Variants in EIF2B3 observed in about 807,000 individuals in gnomAD.
The protein encoded by EIF2B3 is translation initiation factor eIF2B subunit gamma.
Under a neutral mutation model 54.1 loss-of-function variants are expected in EIF2B3, and 20 were observed. The ratio of observed to expected loss-of-function variants is 0.37; its 90% CI spans 0.26 to 0.54. EIF2B3 has a LOEUF of 0.54. Ranked by LOEUF, EIF2B3 falls within the 20% of genes least tolerant of loss-of-function variation. EIF2B3 has a pLI of 0.86. For synonymous variants in EIF2B3, 153 were observed against 188.1 expected, an observed-to-expected ratio of 0.81 and a Z score of 1.52; for missense variants, 448 against 547.8, an observed-to-expected ratio of 0.82 and a Z score of 1.82.
chr1:44,901,585 GTCTTAC>G (rs1393888886), intron 5 of EIF2B3, among the ~76,000 whole-genome samples: 1 of 135,668 alleles, frequency 7.4e-6, no homozygotes, highest in Non-Finnish European at 1.5e-5. Flanking sequence ...TTGAGACAGG[GTCTTAC>G]TCTGTCATCC....
chr1:44,921,437 G>A (rs1440549654), intron 5 of EIF2B3, among the ~76,000 whole-genome samples: 1 of 152,184 alleles, frequency 6.6e-6, no homozygotes, highest in East Asian at 1.9e-4. Flanking sequence ...CTGTGCTTGT[G>A]GGGTATTACT....
chr1:44,884,949 A>G (rs570917043), intron 6 of EIF2B3, among the ~76,000 whole-genome samples: 4 of 152,350 alleles, frequency 2.6e-5, no homozygotes, highest in African/African-American at 9.6e-5. Flanking sequence ...GTCAATCCCC[A>G]TGATGCAGTT....
intron 6 of EIF2B3, among the ~76,000 whole-genome samples, chr1:44,896,093 G>A (rs1655960888): frequency 6.6e-6 from 1 of 152,166 alleles, no homozygotes; most frequent in Admixed American, 6.5e-5. Flanking sequence ...TCCACCATGA[G>A]CTTAGGCTGT....
intron 3 of EIF2B3, among the ~76,000 whole-genome samples, chr1:44,965,167 A>C (rs1644324532): frequency 6.6e-6 from 1 of 152,224 alleles, no homozygotes. Flanking sequence ...GAAAGAGATC[A>C]ACAAGCAATA....
intron 5 of EIF2B3, among the ~76,000 whole-genome samples, chr1:44,900,001 T>C (rs968767316): frequency 3.3e-5 from 5 of 152,170 alleles, no homozygotes; most frequent in African/African-American, 1.2e-4. Context: ...ACTATGCAGC[T>C]ATAAAAAAGA....
At chr1:44,864,172 G>T (rs1654697390) in intron 10 of EIF2B3, among the ~76,000 whole-genome samples, 1 of 152,198 alleles carries the variant, frequency 6.6e-6, no homozygotes, top group Admixed American at 6.5e-5. Context: ...GATGGGTTTA[G>T]TGCAAATGGT....
At chr1:44,927,755 G>A (rs974152550) in intron 4 of EIF2B3, among the ~76,000 whole-genome samples, 9 of 152,014 alleles carry the variant, frequency 5.9e-5, no homozygotes, top group African/African-American at 1.4e-4. Flanking sequence ...ACTTATTGAC[G>A]TATTTAAAGG....
rs2148905672 is a variant in EIF2B3 at position 44,881,387 on chromosome 1, T to C, written c.784+225A>G. Among the ~76,000 whole-genome samples, 1 of 152,284 alleles carries C rather than the reference T, an allele frequency of 6.6e-6. No individual in the cohort carries two copies. The highest frequency in any genetic ancestry group is 2.4e-5 in the African/African-American group (1 of 41,556). On this transcript the variant is annotated intron_variant, in intron 7 of 11. Coordinates refer to ENST00000360403, the MANE Select transcript of EIF2B3 (RefSeq NM_020365.5). This position sits in a 1 kb window ranked among gnomAD's most constrained non-coding sequence, Gnocchi z 4.0. ...CAAACCAGAGCTATGAATCAGAGAA[T>C]GGGGCTGGAGGCATGATTAGCCTGT...
chr1:44,908,925 G>C (rs1643464163), intron 5 of EIF2B3, among the ~76,000 whole-genome samples: 1 of 152,220 alleles, frequency 6.6e-6, no homozygotes, highest in Non-Finnish European at 1.5e-5. Context: ...GTTTTGACAG[G>C]AGAATGGTGA....
At chr1:44,887,800 G>C (rs1254497464) in intron 6 of EIF2B3, among the ~76,000 whole-genome samples, 1 of 152,070 alleles carries the variant, frequency 6.6e-6, no homozygotes, top group Non-Finnish European at 1.5e-5. Context: ...GGCTACTCGG[G>C]GGGCTGAGGC....
intron 5 of EIF2B3, among the ~76,000 whole-genome samples, chr1:44,917,377 C>T (rs1369057344): frequency 6.6e-6 from 1 of 151,620 alleles, no homozygotes; most frequent in Non-Finnish European, 1.5e-5. Context: ...CCTATAATCC[C>T]AGCTACTCTG....
At chr1:44,859,872 T>G (rs1437049184) in intron 10 of EIF2B3, among the ~76,000 whole-genome samples, 2 of 151,418 alleles carry the variant, frequency 1.3e-5, no homozygotes, top group African/African-American at 4.8e-5. Flanking sequence ...TTCTCCTGCC[T>G]CAGCCCCCCA....
chr1:44,857,871 G>A, intron 10 of EIF2B3, 64 bp from the exon 11 acceptor site: 1 of 1,525,282 alleles, frequency 6.6e-7, no homozygotes, highest in Non-Finnish European at 9.1e-7. Context: ...ATTACTATTG[G>A]TTGGGGGTTC....
intron 5 of EIF2B3, among the ~76,000 whole-genome samples, chr1:44,922,183 GA>G (rs199559025): frequency 0.016 from 2,375 of 151,586 alleles, 35 homozygotes; most frequent in African/African-American, 0.038. Context: ...CAAAGTGCTG[GA>G]ATTACAGGCG....
In EIF2B3 at chr1:44,941,597, A is replaced by T; in HGVS notation, c.363T>A (p.Phe121Leu). 6.2e-7 allele frequency: 1 copy of T among 1,614,124 alleles called. No individual in the cohort carries two copies. Among genetic ancestry groups the T allele is most frequent in the Non-Finnish European group, 8.5e-7 (1 of 1,180,014 alleles). Residue 121 changes from phenylalanine to leucine, a missense_variant, in exon 4 of 12, where the codon TTT becomes TTA. By Grantham distance (22) the Phe-to-Leu change is conservative. Transcript: ENST00000360403. Reference sequence around the variant, plus strand: ...TAGCAAGTGATGCATCATAAGCTCTAAACAGGTCCACAACCTCATGTAAGG... The same window carrying T: ...TAGCAAGTGATGCATCATAAGCTCTTAACAGGTCCACAACCTCATGTAAGG... The part of the protein sequence containing the change: ...DVALHEVVDL[F>L]RAYDASLAML...
At chr1:44,892,715 G>A (rs1350974650) in intron 6 of EIF2B3, among the ~76,000 whole-genome samples, 2 of 152,136 alleles carry the variant, frequency 1.3e-5, no homozygotes, top group East Asian at 1.9e-4. Context: ...AAGTTCAAAG[G>A]AGACTACCTT....
chr1:44,930,883 C>T (rs1408770995), intron 4 of EIF2B3, among the ~76,000 whole-genome samples: 5 of 152,308 alleles, frequency 3.3e-5, no homozygotes, highest in Admixed American at 3.3e-4. Flanking sequence ...TCAGGTGATC[C>T]ACCCACCTCC....
intron 6 of EIF2B3, among the ~76,000 whole-genome samples, chr1:44,885,713 T>A (rs555837520): frequency 6.6e-6 from 1 of 151,504 alleles, no homozygotes; most frequent in Non-Finnish European, 1.5e-5. Context: ...AATACCTCTA[T>A]AACAGAATGT....
intron 3 of EIF2B3, among the ~76,000 whole-genome samples, chr1:44,970,582 T>C (rs1644389663): frequency 6.6e-6 from 1 of 152,196 alleles, no homozygotes; most frequent in African/African-American, 2.4e-5. Context: ...CACTGTGTCA[T>C]GCATGGCACA....
Sources: gnomAD v4.1 joint callset for allele counts (sites outside exome capture counted in the v4.1 genomes callset) on GRCh38, gnomAD v4.1.1 for gene constraint, Gnocchi (gnomAD v3.1) non-coding constraint, MANE v1.5 for transcripts, NCBI Gene and HGNC (gene_info 2026-07-23, HGNC 2026-07-21) for gene names.